Variants in POMGNT1 observed in about 807,000 individuals in gnomAD.
POMGNT1 encodes the protein protein O-linked mannose N-acetylglucosaminyltransferase 1 (beta 1,2-).
POMGNT1 carries 67 observed loss-of-function variants against 95.6 expected under a neutral mutation model. The ratio of observed to expected loss-of-function variants is 0.70; its 90% CI spans 0.58 to 0.86. The LOEUF (loss-of-function observed/expected upper bound fraction) is 0.86, where lower values mean the gene tolerates loss of function less well. Ranked by LOEUF, POMGNT1 falls within the 40% of genes least tolerant of loss-of-function variation. The probability of loss-of-function intolerance (pLI) is 0.00; values close to 1 mark genes in which losing one functional copy is unlikely to be tolerated. For synonymous variants in POMGNT1, 298 were observed against 317.9 expected (o/e 0.94, Z 0.66); for missense variants, 719 against 855.2 (o/e 0.84, Z 1.99).
At chr1:46,209,308 C>T (rs1198557006) in intron 1 of POMGNT1, among the ~76,000 whole-genome samples, 1 of 151,758 alleles carries the variant, frequency 6.6e-6, no homozygotes, top group Non-Finnish European at 1.5e-5. Flanking sequence ...ACAGAGCCAC[C>T]GCCCCCTGCC....
Position 46,189,246 on chromosome 1 carries a change from C to G in POMGNT1, c.*24G>C, listed in dbSNP as rs1385873142. 6.2e-7 allele frequency: 1 copy of G among 1,607,712 alleles called. No individual in the cohort carries two copies. The highest frequency in any genetic ancestry group is 8.5e-7 in the Non-Finnish European group (1 of 1,177,298). On this transcript the variant is annotated 3_prime_UTR_variant, in exon 22 of 22. Transcript: ENST00000371984. ...CAGCCTGGGGGTACACAGTACCCAGCCCCGCAGGGTCCTGGAGGAGGTCTC... is the reference window on the plus strand; with the variant it reads ...CAGCCTGGGGGTACACAGTACCCAGGCCCGCAGGGTCCTGGAGGAGGTCTC...
At chr1:46,206,989 G>A (rs1285135801) in intron 1 of POMGNT1, among the ~76,000 whole-genome samples, 1 of 152,150 alleles carries the variant, frequency 6.6e-6, no homozygotes, top group African/African-American at 2.4e-5. Flanking sequence ...TTGGGTTTGT[G>A]CTCTAGAAAG....
intron 1 of POMGNT1, 171 bp from the exon 2 acceptor site, chr1:46,198,042 T>A (rs918279798): frequency 1.6e-6 from 1 of 618,192 alleles, no homozygotes. Context: ...TTCAGTGGGG[T>A]TGGATCACCT....
intron 11 of POMGNT1, 50 bp downstream of exon 11, chr1:46,193,513 CT>C: frequency 1.9e-6 from 3 of 1,614,048 alleles, no homozygotes; most frequent in Non-Finnish European, 2.5e-6. Context: ...CTGGCAATCA[CT>C]GCTGCTCCAT....
intron 1 of POMGNT1, among the ~76,000 whole-genome samples, chr1:46,206,716 A>G (rs996676918): frequency 8.5e-5 from 13 of 152,292 alleles, no homozygotes; most frequent in African/African-American, 3.1e-4. Context: ...TTTCCCAGCA[A>G]CACACTACAA....
intron 1 of POMGNT1, among the ~76,000 whole-genome samples, chr1:46,217,194 G>A (rs1422303083): frequency 1.3e-5 from 2 of 152,132 alleles, no homozygotes; most frequent in Non-Finnish European, 2.9e-5. Flanking sequence ...ATCCCTGGAG[G>A]GCAATTGTGC....
Position 46,196,109 on chromosome 1 carries a change from T to C in POMGNT1, c.355-32A>G, listed in dbSNP as rs1658222611. 6.2e-7 allele frequency: 1 copy of C among 1,613,556 alleles called. No homozygotes were observed. The highest frequency in any genetic ancestry group is 1.3e-5 in the African/African-American group (1 of 74,924). On this transcript the variant is annotated intron_variant, in intron 4 of 21. Transcript: ENST00000371984. This position sits in a 1 kb window ranked among gnomAD's most constrained non-coding sequence, Gnocchi z 4.4. ...AGTGGCAGAGACAAAGTCCAGCTTT[T>C]CACTCTGGCATTCAAGGTGTCTCTG...
chr1:46,196,802 G>A lies in POMGNT1; in HGVS notation c.283C>T (p.Pro95Ser). ...ACCTCTACGTCCAGGACCCGCCGGG[G>A]ACCACTGCCTCTGCGCCGTGGGGGC... Reference protein sequence around the residue: ...LEPPRRRGSGPRRVLDVEVYS... With the variant: ...LEPPRRRGSGSRRVLDVEVYS... Residue 95 changes from proline to serine, a missense_variant, in exon 4 of 22, where the codon CCC (proline) becomes TCC (serine). Transcript: ENST00000371984. The surrounding 1 kb of genome is among the most constrained non-coding windows in gnomAD (Gnocchi z 4.4). 6.2e-7 allele frequency: 1 copy of A among 1,614,216 alleles called. No individual in the cohort carries two copies. The highest frequency in any genetic ancestry group is 1.3e-5 in the African/African-American group (1 of 75,058).
intron 17 of POMGNT1, chr1:46,191,164 T>C: frequency 2.9e-6 from 1 of 342,656 alleles, no homozygotes; most frequent in South Asian, 2.4e-5. Flanking sequence ...AAAAACTACT[T>C]TGACTCTGGT....
chr1:46,189,339 T>A lies in POMGNT1; in HGVS notation c.1914A>T (p.Ser638=), dbSNP rs778579837. ...GTGGCTCCAGGAAAATTGGGGTGACTGAGGGTGGCTTCTTCACTCTGGGAA... is the reference window on the plus strand; with the variant it reads ...GTGGCTCCAGGAAAATTGGGGTGACAGAGGGTGGCTTCTTCACTCTGGGAA... ...ASPYSVKKPP[S]VTPIFLEPPP... Residue 638 remains serine, a synonymous_variant, in exon 22 of 22, where the codon TCA becomes TCT. Transcript: ENST00000371984. 6.2e-7 allele frequency: 1 copy of A among 1,613,820 alleles called. No homozygotes were observed. Among genetic ancestry groups the A allele is most frequent in the Non-Finnish European group, 8.5e-7 (1 of 1,179,994 alleles).
At chr1:46,190,249 T>C in intron 19 of POMGNT1, 1 of 686,150 alleles carries the variant, frequency 1.5e-6, no homozygotes, top group Non-Finnish European at 2.5e-6. Context: ...TTTCACCGTG[T>C]TAGCCAGGAT....
intron 1 of POMGNT1, among the ~76,000 whole-genome samples, chr1:46,216,080 G>A (rs1165388841): frequency 1.8e-5 from 2 of 109,210 alleles, no homozygotes; most frequent in Admixed American, 1.5e-4. Context: ...ACGGAGTCTC[G>A]CTGTTGCCCA....
chr1:46,214,867 CAAAAAAAAAA>C lies in POMGNT1; in HGVS notation c.-51+4828_-51+4837del, dbSNP rs5773905. Among the ~76,000 whole-genome samples, 81 of 89,530 alleles carry C rather than the reference CAAAAAAAAAA, an allele frequency of 9.0e-4. No individual in the cohort carries two copies. The East Asian group carries it at 0.023, about 25-fold the overall frequency. The allele number at this position is 89,530 out of a possible 152,430, so 58.7% of individuals were successfully genotyped here. On this transcript the variant is annotated intron_variant, in intron 1 of 22. Transcript: ENST00000371992. Reference sequence around the variant, plus strand: ...GGGGGACAAGAGTGAGACTCCATCTCAAAAAAAAAAAAAAAAAAAAGAGGAGTTGATCAAG... The same window carrying C: ...GGGGGACAAGAGTGAGACTCCATCTCAAAAAAAAAAGAGGAGTTGATCAAG...
chr1:46,189,174 C>G lies in POMGNT1; in HGVS notation c.*96G>C. 3.9e-6 allele frequency: 6 copies of G among 1,530,656 alleles called. No individual in the cohort carries two copies. Among genetic ancestry groups the G allele is most frequent in the Non-Finnish European group, 5.2e-6 (6 of 1,143,584 alleles). The allele number at this position is 1,530,656 out of a possible 1,614,324, so 94.8% of individuals were successfully genotyped here. On this transcript the variant is annotated 3_prime_UTR_variant, in exon 22 of 22. Transcript: ENST00000371984. The stretch of plus-strand genomic sequence containing the variant: ...ATGTTAAAAACAAGGTAGCCCCAGC[C>G]CCTACCAGCATCTACAAAATCCTAC...
rs2148163363 is a variant in POMGNT1, at chr1:46,189,490, G to A, written c.1863C>T (p.Phe621=). The A allele has an allele frequency of 6.2e-7, 1 of 1,613,664 alleles. No homozygotes were observed. The highest frequency in any genetic ancestry group is 8.5e-7 in the Non-Finnish European group (1 of 1,179,814). Residue 621 remains phenylalanine (F), a synonymous_variant, in exon 21 of 22, where the codon TTC becomes TTT. Transcript: ENST00000371984. ...LWRLFRKKNH[F]LMVGVPASPY... ...GGGAAGCCGGGACCCCCACCATCAG[G>A]AAGTGGTTCTTCTTCCGAAACAATC... is the stretch of plus-strand genomic sequence containing the variant.
rs771101711 is a variant in POMGNT1, at chr1:46,196,032, T to C, written c.400A>G (p.Ile134Val). The C allele has an allele frequency of 1.9e-6, 3 of 1,614,004 alleles. No homozygotes were observed. Among genetic ancestry groups the C allele is most frequent in the Non-Finnish European group, 2.5e-6 (3 of 1,179,998 alleles). The change falls in exon 5 of 22, where the codon ATT becomes GTT. Residue 134 changes from isoleucine (I) to valine (V), a missense_variant. Coordinates refer to ENST00000371984, the MANE Select transcript of POMGNT1 (RefSeq NM_017739.4). The surrounding 1 kb of genome is among the most constrained non-coding windows in gnomAD (Gnocchi z 4.4). ...AREQGRGIHVIVLNQATGHVM... is the reference protein window; with the variant it reads ...AREQGRGIHVVVLNQATGHVM... ...CTCACCGTGGCCTGGTTGAGGACAA[T>C]GACATGGATGCCCCGGCCCTGCTCC...
At chr1:46,191,568 C>A in intron 17 of POMGNT1, 1 of 204,388 alleles carries the variant, frequency 4.9e-6, no homozygotes, top group Non-Finnish European at 1.0e-5. Context: ...GTTTATAATT[C>A]AAAGCACTTT....
intron 1 of POMGNT1, among the ~76,000 whole-genome samples, chr1:46,212,373 C>T (rs1272234007): frequency 2.0e-5 from 3 of 151,792 alleles, no homozygotes; most frequent in South Asian, 2.1e-4. Context: ...CTCCGCCTCC[C>T]GGGTTCATGC....
intron 19 of POMGNT1, 141 bp downstream of exon 19, chr1:46,190,332 C>T (rs1279301597): frequency 4.3e-6 from 5 of 1,163,816 alleles, no homozygotes; most frequent in East Asian, 4.8e-5. Context: ...GCGTGAGCCA[C>T]CGCGCCCGGC....
Sources: gnomAD v4.1 joint callset for allele counts (sites outside exome capture counted in the v4.1 genomes callset) on GRCh38, gnomAD v4.1.1 for gene constraint, Gnocchi (gnomAD v3.1) non-coding constraint, MANE v1.5 for transcripts, NCBI Gene and HGNC (gene_info 2026-07-23, HGNC 2026-07-21) for gene names.